Variants in ATRNL1 observed in about 807,000 individuals in gnomAD.
The protein encoded by ATRNL1 is attractin-like protein 1.
Under a neutral mutation model 182.7 loss-of-function variants are expected in ATRNL1, and 95 were observed. The ratio of observed to expected loss-of-function variants is 0.52; its 90% CI spans 0.44 to 0.62. ATRNL1 has a LOEUF of 0.62. Ranked by LOEUF, ATRNL1 falls within the 20% of genes least tolerant of loss-of-function variation. The pLI is 0.00. For missense variants in ATRNL1, 1,471 were observed against 1,679.5 expected (o/e 0.88, Z 2.17); for synonymous variants, 576 against 568.3 (o/e 1.01, Z -0.19).
intron 28 of ATRNL1, among the ~76,000 whole-genome samples, chr10:115,893,343 C>T (rs1952127079): frequency 6.6e-6 from 1 of 152,060 alleles, no homozygotes; most frequent in African/African-American, 2.4e-5. Flanking sequence ...GAGAAAAAGA[C>T]TTTAAAAGAG....
intron 27 of ATRNL1, among the ~76,000 whole-genome samples, chr10:115,798,081 C>A (rs1455666553): frequency 1.3e-5 from 2 of 152,134 alleles, no homozygotes; most frequent in Non-Finnish European, 2.9e-5. Flanking sequence ...CCACGCCCGG[C>A]TAATTTTTTG....
At chr10:115,518,878 T>C (rs967138275) in intron 24 of ATRNL1, among the ~76,000 whole-genome samples, 1 of 51,170 alleles carries the variant, frequency 2.0e-5, no homozygotes, top group Non-Finnish European at 5.3e-5. Flanking sequence ...AAAACATTTG[T>C]ATATATATAT....
rs551189185 is a variant in ATRNL1 at position 115,445,199 on chromosome 10, C to T, written c.3323-16742C>T. On this transcript the variant is annotated intron_variant, in intron 21 of 28. Coordinates refer to ENST00000355044, the MANE Select transcript of ATRNL1 (RefSeq NM_207303.4). ...ATCCTAGCACTTTGGGAGACTGAGA[C>T]GGGTAGATCACCTGAGGTCAGGAGT... Among the ~76,000 whole-genome samples the T allele has an allele frequency of 1.1e-3, 167 of 150,174 alleles. No individual in the cohort carries two copies. The South Asian group carries it at 0.022, about 20-fold the overall frequency.
intron 19 of ATRNL1, among the ~76,000 whole-genome samples, chr10:115,372,139 C>T (rs1554948233): frequency 6.6e-6 from 1 of 152,148 alleles, no homozygotes; most frequent in Non-Finnish European, 1.5e-5. Flanking sequence ...TGCTCCCAGT[C>T]TTGAGTATGT....
intron 25 of ATRNL1, among the ~76,000 whole-genome samples, chr10:115,532,866 T>G (rs1476685002): frequency 1.3e-4 from 20 of 152,148 alleles, no homozygotes; most frequent in South Asian, 2.1e-4. Context: ...CATCTATTGA[T>G]ATAATCATGT....
intron 26 of ATRNL1, among the ~76,000 whole-genome samples, chr10:115,637,606 T>TTAC (rs2133847915): frequency 1.1e-5 from 1 of 92,456 alleles, no homozygotes; most frequent in East Asian, 3.7e-4. Context: ...TTTATTACTA[T>TTAC]TATTATTATT....
intron 26 of ATRNL1, among the ~76,000 whole-genome samples, chr10:115,557,508 T>A (rs529059199): frequency 2.0e-5 from 3 of 152,306 alleles, no homozygotes; most frequent in Admixed American, 2.0e-4. Flanking sequence ...GGAACAGAGT[T>A]ATCAGTTGTC....
intron 8 of ATRNL1, among the ~76,000 whole-genome samples, chr10:115,197,090 A>C (rs1227139240): frequency 6.6e-6 from 1 of 152,078 alleles, no homozygotes; most frequent in Non-Finnish European, 1.5e-5. Flanking sequence ...AACAGTGTTA[A>C]ATTTCCTCGA....
chr10:115,755,188 C>T (rs548374352), intron 27 of ATRNL1, among the ~76,000 whole-genome samples: 203 of 152,192 alleles, frequency 1.3e-3, no homozygotes, highest in African/African-American at 4.7e-3. Context: ...TTGCCCTGGC[C>T]AGAACTTCCA....
chr10:115,812,308 T>A (rs999247051), intron 27 of ATRNL1, among the ~76,000 whole-genome samples: 1 of 152,164 alleles, frequency 6.6e-6, no homozygotes, highest in African/African-American at 2.4e-5. Flanking sequence ...AAATCTATTA[T>A]ATTATTATTT....
At chr10:115,314,536 T>G (rs1254715440) in intron 17 of ATRNL1, among the ~76,000 whole-genome samples, 2 of 152,204 alleles carry the variant, frequency 1.3e-5, no homozygotes, top group Non-Finnish European at 2.9e-5. Context: ...TCATTCATGA[T>G]GCCGTGTATG....
chr10:115,321,294 G>A (rs1349315914), intron 18 of ATRNL1, among the ~76,000 whole-genome samples: 8 of 152,046 alleles, frequency 5.3e-5, no homozygotes, highest in African/African-American at 1.9e-4. Flanking sequence ...CTGACCTTGA[G>A]GGTCAGCAAG....
intron 26 of ATRNL1, among the ~76,000 whole-genome samples, chr10:115,722,169 G>A (rs1191052413): frequency 1.3e-5 from 2 of 150,894 alleles, no homozygotes; most frequent in Admixed American, 1.3e-4. Context: ...ACTTGTCAGT[G>A]TTAGACAGGT....
At chr10:115,182,024 G>A (rs1847767218) in intron 8 of ATRNL1, among the ~76,000 whole-genome samples, 1 of 151,604 alleles carries the variant, frequency 6.6e-6, no homozygotes, top group South Asian at 2.1e-4. Context: ...TTCAGGAAAT[G>A]ATATCCTAAA....
At chr10:115,627,914 A>G (rs1555025133) in intron 26 of ATRNL1, among the ~76,000 whole-genome samples, 2 of 152,084 alleles carry the variant, frequency 1.3e-5, no homozygotes. Flanking sequence ...ATGTTGGCTG[A>G]GGCGGGCAGA....
At chr10:115,501,237 G>C (rs1306354659) in intron 24 of ATRNL1, among the ~76,000 whole-genome samples, 2 of 151,976 alleles carry the variant, frequency 1.3e-5, no homozygotes, top group African/African-American at 4.8e-5. Context: ...TCTGGCCCAG[G>C]TGAGACTTTT....
At chr10:115,726,417 T>TA (rs782093150) in intron 26 of ATRNL1, among the ~76,000 whole-genome samples, 8 of 152,222 alleles carry the variant, frequency 5.3e-5, no homozygotes, top group Non-Finnish European at 1.2e-4. Context: ...ATTAGCTGTA[T>TA]AGAATGAGAA....
intron 9 of ATRNL1, among the ~76,000 whole-genome samples, chr10:115,218,238 G>T (rs1554896687): frequency 6.6e-6 from 1 of 151,804 alleles, no homozygotes; most frequent in Non-Finnish European, 1.5e-5. Context: ...CCTATGTTCA[G>T]TCTACTCCAT....
chr10:115,288,518 CTTTT>C (rs1370350590), intron 15 of ATRNL1, among the ~76,000 whole-genome samples: 4 of 140,354 alleles, frequency 2.8e-5, no homozygotes, highest in African/African-American at 1.0e-4. Flanking sequence ...TGTATGTCTT[CTTTT>C]TTTTTTTTTT....
Sources: allele counts gnomAD v4.1 joint callset (sites outside exome capture counted in the v4.1 genomes callset), GRCh38; gene constraint gnomAD v4.1.1; transcripts MANE v1.5; gene names NCBI Gene and HGNC (gene_info 2026-07-23, HGNC 2026-07-21).